Variants in RASSF6 observed in about 807,000 individuals in gnomAD.
The protein encoded by RASSF6 is Ras association domain family member 6.
In RASSF6, 52 loss-of-function variants were observed where a neutral mutation model predicts 44.0. That is an observed-to-expected ratio of 1.18 (90% confidence interval 0.95 to 1.49). The LOEUF is 1.49. Among genes scored for constraint, RASSF6 ranks in the 40% most tolerant of loss-of-function variants. The probability of loss-of-function intolerance (pLI) is 0.00; values close to 1 mark genes in which losing one functional copy is unlikely to be tolerated. For synonymous variants in RASSF6, 162 were observed against 124.6 expected (o/e 1.30, Z -2.00); for missense variants, 464 against 393.3 (o/e 1.18, Z -1.52).
chr4:73,611,108 C>A (rs924992491), intron 2 of RASSF6, among the ~76,000 whole-genome samples: 1 of 152,096 alleles, frequency 6.6e-6, no homozygotes, highest in African/African-American at 2.4e-5. Flanking sequence ...TTCCACCCCC[C>A]ATAAGATTTG....
chr4:73,614,530 G>T (rs747859179), intron 1 of RASSF6, among the ~76,000 whole-genome samples: 1 of 152,188 alleles, frequency 6.6e-6, no homozygotes, highest in Non-Finnish European at 1.5e-5. Flanking sequence ...GGGGATATTT[G>T]GAACTGAAGA....
At chr4:73,598,806 G>A (rs1347593561) in intron 2 of RASSF6, 88 bp from the exon 3 acceptor site, 1 of 567,932 alleles carries the variant, frequency 1.8e-6, no homozygotes, top group African/African-American at 2.0e-5. Flanking sequence ...GTATGAGATA[G>A]AAAGAAATAG....
chr4:73,605,362 T>C (rs1001485220), intron 2 of RASSF6, among the ~76,000 whole-genome samples: 1 of 152,208 alleles, frequency 6.6e-6, no homozygotes, highest in African/African-American at 2.4e-5. Flanking sequence ...AAATCATCAT[T>C]CCATATTAAT....
intron 3 of RASSF6, among the ~76,000 whole-genome samples, chr4:73,595,532 T>C (rs1003390758): frequency 2.0e-5 from 3 of 152,134 alleles, no homozygotes; most frequent in Admixed American, 6.5e-5. Context: ...GGAGCACTGA[T>C]GTACAGAATT....
chr4:73,606,728 G>A (rs560406724), intron 2 of RASSF6, among the ~76,000 whole-genome samples: 1 of 152,022 alleles, frequency 6.6e-6, no homozygotes, highest in East Asian at 1.9e-4. Context: ...GAAACTTGCT[G>A]TAAAATTACA....
chr4:73,602,590 C>CTAGG, intron 2 of RASSF6, among the ~76,000 whole-genome samples: 1 of 152,136 alleles, frequency 6.6e-6, no homozygotes, highest in East Asian at 1.9e-4. Flanking sequence ...TAGGGTCCAC[C>CTAGG]TGTTACATGC....
At chr4:73,593,670 A>T (rs537363171) in intron 3 of RASSF6, 77 bp from the exon 4 acceptor site, 2 of 1,440,624 alleles carry the variant, frequency 1.4e-6, no homozygotes, top group South Asian at 2.5e-5. Flanking sequence ...AAGATGTAGA[A>T]ATTAAGTGCG....
intron 4 of RASSF6, among the ~76,000 whole-genome samples, chr4:73,591,615 T>C (rs1256250576): frequency 6.6e-6 from 1 of 152,114 alleles, no homozygotes; most frequent in East Asian, 1.9e-4. Context: ...ATCAGGTACC[T>C]GAAGTGAGAA....
Position 73,600,235 on chromosome 4 carries a change from T to C in RASSF6, c.66-1517A>G, listed in dbSNP as rs188477970. 1.8e-3 allele frequency among the ~76,000 whole-genome samples: 277 copies of C among 152,324 alleles called. 1 individual carries two copies. The highest frequency in any genetic ancestry group is 3.2e-3 in the Non-Finnish European group (220 of 68,030). The stretch of plus-strand genomic sequence containing the variant: ...GTAGCTCCAACAGGGCAGGGGTATG[T>C]ATGCATTTTGTTCACACTGTATCCT... On this transcript the variant is annotated intron_variant, in intron 2 of 10. Coordinates refer to ENST00000307439, the MANE Select transcript of RASSF6 (RefSeq NM_177532.5).
intron 4 of RASSF6, among the ~76,000 whole-genome samples, chr4:73,589,256 C>T (rs1724346073): frequency 6.6e-6 from 1 of 152,142 alleles, no homozygotes; most frequent in African/African-American, 2.4e-5. Flanking sequence ...ATAACTTTAA[C>T]TCAAAGGAAA....
At chr4:73,589,250 C>G (rs1724344973) in intron 4 of RASSF6, among the ~76,000 whole-genome samples, 1 of 152,132 alleles carries the variant, frequency 6.6e-6, no homozygotes, top group South Asian at 2.1e-4. Flanking sequence ...CAGGTAATAA[C>G]TTTAACTCAA....
chr4:73,600,499 G>A lies in RASSF6; in HGVS notation c.66-1781C>T, dbSNP rs137875492. On this transcript the variant is annotated intron_variant, in intron 2 of 10. Transcript: ENST00000307439. ...GTCTCATAAGAAAATGAGAGGGCAGGGAGTTTGGTCCACTTTATTCACTCC... is the reference window on the plus strand; with the variant it reads ...GTCTCATAAGAAAATGAGAGGGCAGAGAGTTTGGTCCACTTTATTCACTCC... Among the ~76,000 whole-genome samples the A allele has an allele frequency of 7.2e-5, 11 of 152,240 alleles. No individual in the cohort carries two copies. The East Asian group carries it at 1.9e-3, about 27-fold the overall frequency.
intron 8 of RASSF6, among the ~76,000 whole-genome samples, chr4:73,577,714 A>T (rs1293553764): frequency 6.6e-6 from 1 of 152,170 alleles, no homozygotes; most frequent in Non-Finnish European, 1.5e-5. Flanking sequence ...TCCACCCACC[A>T]GAATCCTCTT....
At chr4:73,581,710 C>A in intron 8 of RASSF6, 107 bp downstream of exon 8, 1 of 668,250 alleles carries the variant, frequency 1.5e-6, no homozygotes, top group Non-Finnish European at 2.6e-6. Flanking sequence ...CCTACCCATT[C>A]CTCCCCTTTC....
At chr4:73,578,031 A>AAAGGGT (rs202049167) in intron 8 of RASSF6, among the ~76,000 whole-genome samples, 12 of 152,056 alleles carry the variant, frequency 7.9e-5, no homozygotes, top group Non-Finnish European at 1.8e-4. Context: ...CTCTCTTCTG[A>AAAGGGT]CCTAGTTATT....
At chr4:73,578,638 C>CA (rs1723400778) in intron 8 of RASSF6, among the ~76,000 whole-genome samples, 1 of 143,436 alleles carries the variant, frequency 7.0e-6, no homozygotes, top group Non-Finnish European at 1.5e-5. Context: ...CATTTTTTCT[C>CA]TTTTTTTTTT....
intron 5 of RASSF6, among the ~76,000 whole-genome samples, chr4:73,587,331 AT>A: frequency 6.6e-6 from 1 of 152,146 alleles, no homozygotes; most frequent in Non-Finnish European, 1.5e-5. Context: ...TTTTAAAAAG[AT>A]CTCTGAAATA....
At position 73,587,935 on chromosome 4, in the gene RASSF6, C is replaced by A. The variant is rs769606229; in HGVS notation, c.288-1G>T. 6.3e-7 allele frequency: 1 copy of A among 1,595,210 alleles called. No homozygotes were observed. Among genetic ancestry groups the A allele is most frequent in the Non-Finnish European group, 8.6e-7 (1 of 1,164,482 alleles). On this transcript the variant is annotated splice_acceptor_variant, in intron 4 of 10. Coordinates refer to ENST00000307439, the MANE Select transcript of RASSF6 (RefSeq NM_177532.5). LOFTEE classifies it high-confidence loss of function. ...GTCAAATTCCCCCCAGCGTGTCATT[C>A]TGAGAAGTAATAAATCTTGTAAGTA...
At chr4:73,593,364 T>C in intron 4 of RASSF6, 87 bp downstream of exon 4, 1 of 1,283,672 alleles carries the variant, frequency 7.8e-7, no homozygotes, top group Non-Finnish European at 1.1e-6. Flanking sequence ...TTACACAAGC[T>C]TAAGTTTCCC....
Sources: allele counts gnomAD v4.1 joint callset (sites outside exome capture counted in the v4.1 genomes callset), GRCh38; gene constraint gnomAD v4.1.1; transcripts MANE v1.5; gene names NCBI Gene and HGNC (gene_info 2026-07-23, HGNC 2026-07-21).